IGFBPL1: variants seen among roughly 807,000 people sequenced by gnomAD.
IGFBPL1 encodes insulin-like growth factor-binding protein-like 1.
In IGFBPL1, 20 loss-of-function variants were observed where a neutral mutation model predicts 23.9. That is an observed-to-expected ratio of 0.84 (90% CI 0.59 to 1.22). The LOEUF (loss-of-function observed/expected upper bound fraction) is 1.22. Ranked by LOEUF, IGFBPL1 falls within the 50% of genes most tolerant of loss-of-function variation. IGFBPL1 has a pLI of 0.00. For synonymous variants in IGFBPL1, 184 were observed against 171.8 expected, an observed-to-expected ratio of 1.07 and a Z score of -0.56; for missense variants, 436 against 379.3, an observed-to-expected ratio of 1.15 and a Z score of -1.24.
intron 1 of IGFBPL1, among the ~76,000 whole-genome samples, chr9:38,417,093 C>T (rs1456124098): frequency 6.6e-6 from 1 of 152,160 alleles, no homozygotes; most frequent in Non-Finnish European, 1.5e-5. Flanking sequence ...ATGCTATCAG[C>T]TAGCACAGCG....
At chr9:38,419,729 C>T (rs972735559) in intron 1 of IGFBPL1, among the ~76,000 whole-genome samples, 2 of 152,320 alleles carry the variant, frequency 1.3e-5, no homozygotes, top group African/African-American at 4.8e-5. Context: ...TAATAATCAT[C>T]ATAATACTAA....
At chr9:38,413,127 G>A in intron 3 of IGFBPL1, 110 bp downstream of exon 3, 2 of 745,936 alleles carry the variant, frequency 2.7e-6, no homozygotes, top group East Asian at 2.6e-5. Flanking sequence ...TACTGGAGGG[G>A]CCAGTGAGAA....
At chr9:38,422,139 A>G (rs1821689305) in intron 1 of IGFBPL1, among the ~76,000 whole-genome samples, 1 of 152,084 alleles carries the variant, frequency 6.6e-6, no homozygotes, top group Non-Finnish European at 1.5e-5. Flanking sequence ...GCCTGACTTA[A>G]TACTATTAAG....
intron 1 of IGFBPL1, among the ~76,000 whole-genome samples, chr9:38,419,890 TC>T (rs1563920761): frequency 1.4e-5 from 2 of 147,810 alleles, no homozygotes; most frequent in African/African-American, 5.0e-5. Flanking sequence ...CTCCTCCTCC[TC>T]CTTCTTCTTC....
intron 4 of IGFBPL1, among the ~76,000 whole-genome samples, chr9:38,410,005 C>T (rs1027288538): frequency 1.3e-5 from 2 of 152,174 alleles, no homozygotes; most frequent in Non-Finnish European, 2.9e-5. Flanking sequence ...AGAAGTAAGG[C>T]CTTGCACACA....
At position 38,424,030 on chromosome 9, in the gene IGFBPL1, G is replaced by C; in HGVS notation, c.395C>G (p.Ala132Gly). 7.1e-7 allele frequency: 1 copy of C among 1,401,072 alleles called. No individual in the cohort carries two copies. The highest frequency in any genetic ancestry group is 9.2e-7 in the Non-Finnish European group (1 of 1,087,078). 86.8% of individuals were successfully genotyped at this position (1,401,072 alleles called of 1,614,324 possible). ...YPSVCALRLR[A>G]RHTPRAHPGH... ...GGGGTGCGCGCGGGGCGTGTGCCGA[G>C]CGCGCAGGCGCAGCGCGCAGACGCT... Residue 132 changes from alanine to glycine, a missense_variant, in exon 1 of 5, where the codon GCT becomes GGT. Physicochemically the swap from Ala to Gly is moderately conservative, Grantham distance 60 (BLOSUM62 0). Coordinates refer to ENST00000377694, the MANE Select transcript of IGFBPL1 (RefSeq NM_001007563.3).
intron 1 of IGFBPL1, among the ~76,000 whole-genome samples, chr9:38,423,622 C>CG (rs1821713152): frequency 6.6e-6 from 1 of 152,108 alleles, no homozygotes; most frequent in African/African-American, 2.4e-5. Flanking sequence ...AACAATCCAC[C>CG]TAGCGCTGGA....
chr9:38,407,957 A>G lies in IGFBPL1; in HGVS notation c.*1270T>C, dbSNP rs1821451997. Among the ~76,000 whole-genome samples the G allele has an allele frequency of 2.1e-4, 11 of 52,288 alleles. No individual in the cohort carries two copies. The Admixed American group carries it at 2.1e-3, about 10-fold the overall frequency. 34.3% of individuals were successfully genotyped at this position (52,288 alleles called of 152,430 possible). A position where few individuals can be genotyped will look rare whatever the true frequency, so the allele number is the denominator to read the frequency against. On this transcript the variant is annotated 3_prime_UTR_variant, in exon 5 of 5. Coordinates refer to ENST00000377694, the MANE Select transcript of IGFBPL1 (RefSeq NM_001007563.3). ...CTCCTTTCTTTTTTCATTAAAAAAG[A>G]AAAAAAAGAGAGCCTTACTCTTGGG...
At chr9:38,422,457 C>T (rs1212529750) in intron 1 of IGFBPL1, among the ~76,000 whole-genome samples, 3 of 152,184 alleles carry the variant, frequency 2.0e-5, no homozygotes, top group African/African-American at 7.2e-5. Flanking sequence ...TGTGAATTAA[C>T]GGCTGAGGAA....
intron 3 of IGFBPL1, 118 bp downstream of exon 3, chr9:38,413,119 C>T (rs539663321): frequency 1.3e-4 from 91 of 713,908 alleles, no homozygotes; most frequent in Non-Finnish European, 2.1e-4. Context: ...CTCACAGTTA[C>T]TGGAGGGGCC....
chr9:38,423,910 C>G (rs1821717919), intron 1 of IGFBPL1, 55 bp downstream of exon 1: 2 of 1,313,556 alleles, frequency 1.5e-6, no homozygotes, highest in Non-Finnish European at 1.9e-6. Context: ...GCTCCACACC[C>G]CAGAGGGTTG....
chr9:38,424,102 C>G lies in IGFBPL1; in HGVS notation c.323G>C (p.Cys108Ser), dbSNP rs1208546454. The change falls in exon 1 of 5, where the codon TGC (cysteine) becomes TCC (serine). Residue 108 changes from cysteine (C) to serine (S), a missense_variant. Physicochemically the swap from Cys to Ser is moderately radical, Grantham distance 112. Coordinates refer to ENST00000377694, the MANE Select transcript of IGFBPL1 (RefSeq NM_001007563.3). ...AAPEGTGLCV[C>S]AQRGTVCGSD... is the part of the protein sequence containing the mutation. The stretch of plus-strand genomic sequence containing the variant: ...GCCGCAGACGGTGCCGCGCTGCGCG[C>G]ACACGCAGAGCCCGGTGCCCTCGGG... The G allele has an allele frequency of 7.3e-7, 1 of 1,362,798 alleles. No homozygotes were observed. The highest frequency in any genetic ancestry group is 2.1e-4 in the Middle Eastern group (1 of 4,734). The allele number at this position is 1,362,798 out of a possible 1,614,324, so 84.4% of individuals were successfully genotyped here.
chr9:38,418,232 G>T (rs1821627596), intron 1 of IGFBPL1, among the ~76,000 whole-genome samples: 1 of 152,192 alleles, frequency 6.6e-6, no homozygotes, highest in South Asian at 2.1e-4. Flanking sequence ...GCCACCACAG[G>T]CAGGAAGGAC....
chr9:38,415,272 A>G (rs990654781), intron 1 of IGFBPL1, among the ~76,000 whole-genome samples: 3 of 152,226 alleles, frequency 2.0e-5, no homozygotes, highest in African/African-American at 7.2e-5. Flanking sequence ...AAACATGTTC[A>G]TTTCCAGGCC....
intron 1 of IGFBPL1, among the ~76,000 whole-genome samples, chr9:38,419,845 T>A (rs1821650549): frequency 6.7e-6 from 1 of 148,768 alleles, no homozygotes; most frequent in African/African-American, 2.5e-5. Flanking sequence ...GCATCCTTCT[T>A]CTTCCTTCTC....
At chr9:38,416,099 C>G (rs904289277) in intron 1 of IGFBPL1, among the ~76,000 whole-genome samples, 1 of 152,146 alleles carries the variant, frequency 6.6e-6, no homozygotes, top group East Asian at 1.9e-4. Context: ...TCACATTGTC[C>G]CGCCAGCGCC....
rs1587411251 is a variant in IGFBPL1 at position 38,408,946 on chromosome 9, A to G, written c.*281T>C. 1 of 152,340 alleles carries G rather than the reference A, an allele frequency of 6.6e-6. No individual in the cohort carries two copies. The highest frequency in any genetic ancestry group is 1.5e-5 in the Non-Finnish European group (1 of 68,034). 9.4% of individuals were successfully genotyped at this position (152,340 alleles called of 1,614,324 possible). On this transcript the variant is annotated 3_prime_UTR_variant, in exon 5 of 5. Transcript: ENST00000377694. ...CACGAGCCCTTTCGAAATTGCAAAC[A>G]TGCCGTTCTGTGATCTCCCTGGAAG... is the stretch of plus-strand genomic sequence containing the variant.
At position 38,413,257 on chromosome 9, in the gene IGFBPL1, C is replaced by T. The variant is rs1296916028; in HGVS notation, c.667G>A (p.Glu223Lys). 1 of 1,613,014 alleles carries T rather than the reference C, an allele frequency of 6.2e-7. No homozygotes were observed. The highest frequency in any genetic ancestry group is 8.5e-7 in the Non-Finnish European group (1 of 1,179,142). ...VQVRGGPSDH[E>K]ATAWILINPL... ...CTCACCAAAATCCAGGCCGTGGCCT[C>T]ATGGTCAGAAGGGCCCCCTCGCACT... is the stretch of plus-strand genomic sequence containing the variant. The change falls in exon 3 of 5, where the codon GAG becomes AAG. Residue 223 changes from glutamate (E) to lysine (K), a missense_variant. Physicochemically the swap from Glu to Lys is moderately conservative, Grantham distance 56 (BLOSUM62 1). Coordinates refer to ENST00000377694, the MANE Select transcript of IGFBPL1 (RefSeq NM_001007563.3).
intron 4 of IGFBPL1, among the ~76,000 whole-genome samples, chr9:38,409,850 T>C (rs1024573591): frequency 6.6e-5 from 10 of 152,190 alleles, no homozygotes; most frequent in Non-Finnish European, 1.3e-4. Context: ...TCAATCCTCA[T>C]GCCACCTCCT....
Sources: allele counts gnomAD v4.1 joint callset (sites outside exome capture counted in the v4.1 genomes callset), GRCh38; gene constraint gnomAD v4.1.1; transcripts MANE v1.5; gene names NCBI Gene and HGNC (gene_info 2026-07-23, HGNC 2026-07-21).